DIABLO: variants seen among roughly 807,000 people sequenced by gnomAD.
DIABLO encodes the protein diablo homolog, mitochondrial.
DIABLO carries 32 observed loss-of-function variants against 31.7 expected under a neutral mutation model. The ratio of observed to expected loss-of-function variants is 1.01; its 90% CI spans 0.76 to 1.35. The LOEUF (loss-of-function observed/expected upper bound fraction) is 1.35. DIABLO is among the 40% of genes most tolerant of loss of function. The pLI, the probability that DIABLO is intolerant of heterozygous loss-of-function variation, is 0.00. For synonymous variants in DIABLO, 132 were observed against 103.2 expected, an observed-to-expected ratio of 1.28 and a Z score of -1.69; for missense variants, 316 against 286.4, an observed-to-expected ratio of 1.10 and a Z score of -0.75.
At position 122,216,484 on chromosome 12, in the gene DIABLO, C is replaced by T. The variant is rs756276240; in HGVS notation, c.523+4G>A. Reference sequence around the variant, plus strand: ...AAAAAACCCAACACAAAACTTGAACCTACCAGTTTGATATGCAGCTTCTGC... The same window carrying T: ...AAAAAACCCAACACAAAACTTGAACTTACCAGTTTGATATGCAGCTTCTGC... On this transcript the variant is annotated splice_donor_region_variant and intron_variant, in intron 5 of 5. Coordinates refer to ENST00000464942, the MANE Select transcript of DIABLO (RefSeq NM_001371333.1). 6.2e-7 allele frequency: 1 copy of T among 1,612,414 alleles called. No individual in the cohort carries two copies. Among genetic ancestry groups the T allele is most frequent in the Non-Finnish European group, 8.5e-7 (1 of 1,178,682 alleles).
At chr12:122,210,321 GC>G (rs1464387042) in intron 5 of DIABLO, among the ~76,000 whole-genome samples, 1 of 151,264 alleles carries the variant, frequency 6.6e-6, no homozygotes, top group African/African-American at 2.4e-5. Flanking sequence ...AACATCCTAG[GC>G]CCTGGTGTCC....
chr12:122,210,013 A>G (rs1352998055), intron 5 of DIABLO, among the ~76,000 whole-genome samples: 1 of 152,186 alleles, frequency 6.6e-6, no homozygotes, highest in Non-Finnish European at 1.5e-5. Flanking sequence ...TAATCTATGG[A>G]TATATCATCT....
intron 5 of DIABLO, among the ~76,000 whole-genome samples, chr12:122,211,656 G>A (rs557945740): frequency 1.3e-5 from 2 of 152,210 alleles, no homozygotes; most frequent in African/African-American, 4.8e-5. Context: ...ACTCCAGCCT[G>A]GGCAACAGAG....
upstream of DIABLO, chr12:122,226,185 G>T: frequency 9.5e-7 from 1 of 1,048,434 alleles, no homozygotes; most frequent in Non-Finnish European, 1.4e-6. Flanking sequence ...TTAGGGCAAA[G>T]GCTGTAACGG....
intron 1 of DIABLO, chr12:122,225,732 T>G: frequency 7.0e-7 from 1 of 1,427,744 alleles, no homozygotes; most frequent in Non-Finnish European, 9.1e-7. Flanking sequence ...CAGCCCGGGG[T>G]CTCGGGGACT....
chr12:122,210,651 T>C (rs1954065354), intron 5 of DIABLO, among the ~76,000 whole-genome samples: 1 of 152,120 alleles, frequency 6.6e-6, no homozygotes, highest in South Asian at 2.1e-4. Context: ...AGTGCTGGGA[T>C]TACAGGCGTG....
chr12:122,218,171 A>G (rs913920881), intron 3 of DIABLO, 95 bp downstream of exon 3: 6 of 1,452,294 alleles, frequency 4.1e-6, no homozygotes, highest in Middle Eastern at 3.8e-4. Flanking sequence ...CTATGTTTCA[A>G]TCAAATACCA....
At chr12:122,224,861 G>C in intron 1 of DIABLO, 2 of 1,466,684 alleles carry the variant, frequency 1.4e-6, no homozygotes, top group Non-Finnish European at 1.8e-6. Context: ...CCTAGCACTT[G>C]GAAGGCCAAG....
intron 4 of DIABLO, 77 bp downstream of exon 4, chr12:122,216,682 T>C: frequency 6.5e-7 from 1 of 1,533,758 alleles, no homozygotes; most frequent in Admixed American, 1.7e-5. Context: ...ATTATATTGA[T>C]TAGACTTAAT....
chr12:122,224,493 T>A lies in DIABLO; in HGVS notation c.183+19A>T, dbSNP rs779177204. 4 of 1,613,588 alleles carry A rather than the reference T, an allele frequency of 2.5e-6. No individual in the cohort carries two copies. In the South Asian group the frequency reaches 3.3e-5, roughly 13 times the overall value. On this transcript the variant is annotated intron_variant, in intron 2 of 5. Transcript: ENST00000464942. The stretch of plus-strand genomic sequence containing the variant: ...GAGGACACGGTACACTAGATAAGAA[T>A]CACTGCACACGACAGTACCTGTGCA...
Position 122,218,329 on chromosome 12 carries a change from GCTAT to G in DIABLO, c.248_251del (p.Asp83AlafsTer13), listed in dbSNP as rs1954260410. ...TGGTCTGAGAGAGAAAGGTAGAGGT[GCTAT>G]CTGTTACCAAAGACACTGCTCTCCT... is the stretch of plus-strand genomic sequence containing the variant. On this transcript the variant is annotated frameshift_variant, in exon 3 of 6. Coordinates refer to ENST00000464942, the MANE Select transcript of DIABLO (RefSeq NM_001371333.1). LOFTEE classifies it high-confidence loss of function. The G allele has an allele frequency of 3.7e-6, 6 of 1,614,070 alleles. No individual in the cohort carries two copies. The highest frequency in any genetic ancestry group is 1.3e-5 in the African/African-American group (1 of 75,052).
In DIABLO at chr12:122,209,997, C is replaced by A. The variant is rs149191687; in HGVS notation, c.524-1420G>T. On this transcript the variant is annotated intron_variant, in intron 5 of 5. Transcript: ENST00000464942. The stretch of plus-strand genomic sequence containing the variant: ...TTTGGGCATATGTTAAGTGGTTTTT[C>A]TCCTTTAATCTATGGATATATCATC... 1.4e-3 allele frequency: 802 copies of A among 576,372 alleles called. 2 individuals are homozygous for A. Among genetic ancestry groups the A allele is most frequent in the African/African-American group, 6.9e-3 (370 of 53,690 alleles). The allele number at this position is 576,372 out of a possible 1,614,324, so 35.7% of individuals were successfully genotyped here.
chr12:122,216,078 A>G (rs1954205567), intron 5 of DIABLO, among the ~76,000 whole-genome samples: 1 of 152,094 alleles, frequency 6.6e-6, no homozygotes, highest in Non-Finnish European at 1.5e-5. Context: ...GCCACTGACT[A>G]TGATTCCAGG....
chr12:122,221,275 T>C (rs1003241296), intron 2 of DIABLO: 5 of 152,182 alleles, frequency 3.3e-5, no homozygotes, highest in African/African-American at 1.2e-4. Flanking sequence ...GGAGAATAGG[T>C]AACAATGAGG....
Position 122,216,881 on chromosome 12 carries a change from G to C in DIABLO, c.316-12C>G, listed in dbSNP as rs1200100969. 1.9e-6 allele frequency: 3 copies of C among 1,598,996 alleles called. No individual in the cohort carries two copies. The highest frequency in any genetic ancestry group is 2.6e-6 in the Non-Finnish European group (3 of 1,166,800). On this transcript the variant is annotated splice_polypyrimidine_tract_variant and intron_variant, in intron 3 of 5. Coordinates refer to ENST00000464942, the MANE Select transcript of DIABLO (RefSeq NM_001371333.1). ...AAGGTATAAACAGCCTACAAATAGA[G>C]AATGAACAAGTCTGAGTAAAGTAAG...
rs1288661023 is a variant in DIABLO, at chr12:122,224,638, T to C, written c.57A>G (p.Arg19=). 1 of 1,613,998 alleles carries C rather than the reference T, an allele frequency of 6.2e-7. No homozygotes were observed. The highest frequency in any genetic ancestry group is 1.3e-5 in the African/African-American group (1 of 74,896). The part of the protein sequence containing the change: ...SRSVTSFFRY[R]QCLCVPVVAN... ...CCACAACAGGAACACACAAACACTG[T>C]CTGTACCTGGAAGTAGAAGTCAGAT... Residue 19 remains arginine (R), a synonymous_variant, in exon 2 of 6, where the codon AGA becomes AGG. Transcript: ENST00000464942.
In DIABLO at chr12:122,225,960, G is replaced by A. The variant is rs372776075; in HGVS notation, c.50+5C>T. The A allele has an allele frequency of 4.4e-5, 70 of 1,592,552 alleles. No individual in the cohort carries two copies. The African/African-American group carries it at 8.0e-4, about 18-fold the overall frequency. The stretch of plus-strand genomic sequence containing the variant: ...CCTGTCCCCTCTACGCGGCCGCAGC[G>A]GTACCTGAAGAATGAAGTTACGCTG... On this transcript the variant is annotated splice_donor_5th_base_variant and intron_variant, in intron 1 of 5. Coordinates refer to ENST00000464942, the MANE Select transcript of DIABLO (RefSeq NM_001371333.1).
intron 5 of DIABLO, among the ~76,000 whole-genome samples, chr12:122,209,385 T>C (rs1593166516): frequency 6.7e-6 from 1 of 150,184 alleles, no homozygotes; most frequent in Non-Finnish European, 1.5e-5. Flanking sequence ...GAAAAAAGGC[T>C]GGGTGCAGTG....
Position 122,213,196 on chromosome 12 carries a change from T to C in DIABLO, c.523+3292A>G, listed in dbSNP as rs1954126005. On this transcript the variant is annotated intron_variant, in intron 5 of 5. Transcript: ENST00000464942. The stretch of plus-strand genomic sequence containing the variant: ...CCCGAAGTGCTGGGATTACAACAGG[T>C]ATGAGCCACTGCACCTGGACCAGAT... 4.0e-5 allele frequency among the ~76,000 whole-genome samples: 6 copies of C among 150,824 alleles called. No individual in the cohort carries two copies. In the Middle Eastern group the frequency reaches 0.01, roughly 258 times the overall value.
Sources: allele counts gnomAD v4.1 joint callset (sites outside exome capture counted in the v4.1 genomes callset), GRCh38; gene constraint gnomAD v4.1.1; transcripts MANE v1.5; gene names NCBI Gene and HGNC (gene_info 2026-07-23, HGNC 2026-07-21).